FRK: variants seen among roughly 807,000 people sequenced by gnomAD.
FRK encodes fyn related Src family tyrosine kinase.
Under a neutral mutation model 56.4 loss-of-function variants are expected in FRK, and 51 were observed. The ratio of observed to expected loss-of-function variants is 0.90; its 90% CI spans 0.72 to 1.14. The LOEUF is 1.14. Among genes scored for constraint, FRK ranks in the 50% most tolerant of loss-of-function variants. The probability of loss-of-function intolerance (pLI) is 0.00; values close to 1 mark genes in which losing one functional copy is unlikely to be tolerated. For synonymous variants in FRK, 245 were observed against 217.9 expected, an observed-to-expected ratio of 1.12 and a Z score of -1.10; for missense variants, 570 against 601.4, an observed-to-expected ratio of 0.95 and a Z score of 0.55.
chr6:115,989,717 T>C (rs1774520649), intron 2 of FRK, among the ~76,000 whole-genome samples: 1 of 151,942 alleles, frequency 6.6e-6, no homozygotes, highest in Non-Finnish European at 1.5e-5. Flanking sequence ...CACATGACCT[T>C]GCTATTGTGC....
intron 1 of FRK, among the ~76,000 whole-genome samples, chr6:116,051,615 G>T (rs1777181806): frequency 6.6e-6 from 1 of 152,060 alleles, no homozygotes; most frequent in African/African-American, 2.4e-5. Flanking sequence ...TAAAGTTGCA[G>T]GCTTTAGGAA....
chr6:115,979,498 G>A (rs1037418162), intron 2 of FRK, among the ~76,000 whole-genome samples: 30 of 152,138 alleles, frequency 2.0e-4, no homozygotes, highest in African/African-American at 7.2e-4. Context: ...AAAAGTTATA[G>A]TAAGCTAAAG....
In FRK at chr6:115,942,326, T is replaced by C; in HGVS notation, c.*88A>G. ...ACTTGAATATGTCAGGATAAACTGA[T>C]TGTGCAGTTGGTTGATAACATTGTA... On this transcript the variant is annotated 3_prime_UTR_variant, in exon 8 of 8. Coordinates refer to ENST00000606080, the MANE Select transcript of FRK (RefSeq NM_002031.3). 2.9e-6 allele frequency: 3 copies of C among 1,050,578 alleles called. No homozygotes were observed. The highest frequency in any genetic ancestry group is 1.4e-6 in the Non-Finnish European group (1 of 693,674). The allele number at this position is 1,050,578 out of a possible 1,614,324, so 65.1% of individuals were successfully genotyped here.
intron 1 of FRK, among the ~76,000 whole-genome samples, chr6:116,054,061 T>C (rs894003376): frequency 4.6e-5 from 7 of 151,920 alleles, no homozygotes; most frequent in African/African-American, 1.7e-4. Context: ...TTAATTATTT[T>C]TCTTAAAAAT....
intron 1 of FRK, among the ~76,000 whole-genome samples, chr6:116,034,257 C>T (rs956003054): frequency 6.6e-6 from 1 of 152,102 alleles, no homozygotes; most frequent in Non-Finnish European, 1.5e-5. Context: ...ATTTGGAATG[C>T]TCCCAACACG....
At chr6:116,043,271 T>A (rs1157532370) in intron 1 of FRK, among the ~76,000 whole-genome samples, 2 of 152,168 alleles carry the variant, frequency 1.3e-5, no homozygotes, top group Non-Finnish European at 2.9e-5. Context: ...CCACCCTGAA[T>A]CAATAGATGT....
rs549331686 is a variant in FRK at position 115,932,822 on chromosome 6, G to T, written c.*9592C>A. 6.6e-6 allele frequency: 1 copy of T among 152,368 alleles called. No individual in the cohort carries two copies. The highest frequency in any genetic ancestry group is 1.5e-5 in the Non-Finnish European group (1 of 68,058). 9.4% of individuals were successfully genotyped at this position (152,368 alleles called of 1,614,324 possible). A position where few individuals can be genotyped will look rare whatever the true frequency, so the allele number is the denominator to read the frequency against. ...ACAGTTTCCTTTAGGCCTCCACAGA[G>T]TCGGAAGAGTTTGGGCCCCTCCTGG... On this transcript the variant is annotated 3_prime_UTR_variant, in exon 8 of 8. Transcript: ENST00000606080.
chr6:116,035,632 G>T (rs1398736727), intron 1 of FRK, among the ~76,000 whole-genome samples: 1 of 152,080 alleles, frequency 6.6e-6, no homozygotes, highest in African/African-American at 2.4e-5. Context: ...ATCAAAAAAT[G>T]AAGAAGCAAG....
chr6:116,039,473 A>G lies in FRK; in HGVS notation c.344+20495T>C, dbSNP rs1776628229. 2.6e-6 allele frequency: 4 copies of G among 1,543,808 alleles called. No individual in the cohort carries two copies. In the South Asian group the frequency reaches 3.3e-5, roughly 13 times the overall value. On this transcript the variant is annotated intron_variant, in intron 1 of 7. Transcript: ENST00000606080. The stretch of plus-strand genomic sequence containing the variant: ...GCTTCCCTCAAGCCCTAATTCGTGG[A>G]CATCATCAATGCCAAACAATGAGCC...
chr6:116,071,673 A>G, the FRK span, among the ~76,000 whole-genome samples: 1 of 152,202 alleles, frequency 6.6e-6, no homozygotes, highest in Non-Finnish European at 1.5e-5. Flanking sequence ...CCTATTAAAA[A>G]TTATTTATTT....
intron 4 of FRK, among the ~76,000 whole-genome samples, chr6:115,966,506 C>T (rs1269271495): frequency 2.0e-5 from 3 of 152,198 alleles, no homozygotes; most frequent in Non-Finnish European, 4.4e-5. Flanking sequence ...CCTTGGCACA[C>T]AGTTTGGGAA....
chr6:115,958,708 A>G (rs9481603), intron 4 of FRK, among the ~76,000 whole-genome samples: 422 of 12,346 alleles, frequency 0.034, 45 homozygotes, highest in African/African-American at 0.13. Flanking sequence ...AAGAAAGAAG[A>G]AAGAAAGAAA....
chr6:115,947,462 AC>A (rs1206112651), intron 5 of FRK, among the ~76,000 whole-genome samples: 3 of 152,014 alleles, frequency 2.0e-5, no homozygotes, highest in African/African-American at 7.2e-5. Context: ...CTGAGCACGC[AC>A]AGAAGATTAC....
chr6:116,021,046 C>A (rs1026859487), intron 1 of FRK, among the ~76,000 whole-genome samples: 1 of 151,820 alleles, frequency 6.6e-6, no homozygotes, highest in Non-Finnish European at 1.5e-5. Flanking sequence ...TTTTATGATC[C>A]ATTAACTTTT....
intron 5 of FRK, among the ~76,000 whole-genome samples, chr6:115,955,832 T>C (rs1772963273): frequency 6.6e-6 from 1 of 152,228 alleles, no homozygotes; most frequent in South Asian, 2.1e-4. Flanking sequence ...TTATACTGTA[T>C]TGTTGTTTAC....
At chr6:115,985,804 G>T (rs75895539) in intron 2 of FRK, among the ~76,000 whole-genome samples, 3 of 151,762 alleles carry the variant, frequency 2.0e-5, no homozygotes, top group Non-Finnish European at 2.9e-5. Flanking sequence ...TGAGGCTCAC[G>T]CAGTGGATGC....
chr6:116,027,540 T>C (rs1319649609), intron 1 of FRK, among the ~76,000 whole-genome samples: 1 of 152,036 alleles, frequency 6.6e-6, no homozygotes, highest in East Asian at 1.9e-4. Flanking sequence ...TTTAGAAAAA[T>C]TGGAGTTTGG....
At chr6:116,048,679 C>T (rs150308930) in intron 1 of FRK, among the ~76,000 whole-genome samples, 94 of 152,314 alleles carry the variant, frequency 6.2e-4, no homozygotes, top group African/African-American at 1.9e-3. Context: ...AGCCACCATG[C>T]TGAGCCCCCA....
the FRK span, among the ~76,000 whole-genome samples, chr6:116,095,247 G>T: frequency 1.3e-5 from 2 of 152,310 alleles, no homozygotes; most frequent in Admixed American, 6.5e-5. Context: ...GACACCATGG[G>T]TATTCAGTAA....
Sources: gnomAD v4.1 joint callset for allele counts (sites outside exome capture counted in the v4.1 genomes callset) on GRCh38, gnomAD v4.1.1 for gene constraint, MANE v1.5 for transcripts, NCBI Gene and HGNC (gene_info 2026-07-23, HGNC 2026-07-21) for gene names.